The following CASD1 variants were observed in gnomAD, a reference collection of about 807,000 sequenced individuals.
CASD1 encodes N-acetylneuraminate (7)9-O-acetyltransferase.
In CASD1, 41 loss-of-function variants were observed where a neutral mutation model predicts 100.0. The observed-to-expected ratio is 0.41, with a 90% confidence interval of 0.32 to 0.53. The LOEUF is 0.53. Among genes scored for constraint, CASD1 ranks in the 20% least tolerant of loss-of-function variants. The probability of loss-of-function intolerance (pLI) is 0.25; values close to 1 mark genes in which losing one functional copy is unlikely to be tolerated. For synonymous variants in CASD1, 321 were observed against 315.6 expected, an observed-to-expected ratio of 1.02 and a Z score of -0.18; for missense variants, 774 against 948.7, an observed-to-expected ratio of 0.82 and a Z score of 2.42.
chr7:94,517,128 A>G (rs920901468), intron 1 of CASD1, among the ~76,000 whole-genome samples: 2 of 151,816 alleles, frequency 1.3e-5, no homozygotes, highest in African/African-American at 4.8e-5. Context: ...GGTCTCAAAC[A>G]CTCGACCTCG....
the CASD1 span, among the ~76,000 whole-genome samples, chr7:94,581,665 G>A: frequency 3.4e-3 from 518 of 152,254 alleles, 23 homozygotes; most frequent in East Asian, 0.082. Context: ...TAAGGATAAT[G>A]GCCTCCAGCC....
Position 94,537,722 on chromosome 7 carries a change from A to G in CASD1, c.1094A>G (p.Glu365Gly). ...ATCAATACCCCTGTGTCTTCATTAGAAATACTTTTACAATCTTTCTGCAAA... is the reference window on the plus strand; with the variant it reads ...ATCAATACCCCTGTGTCTTCATTAGGAATACTTTTACAATCTTTCTGCAAA... The part of the protein sequence containing the change: ...NIINTPVSSL[E>G]ILLQSFCKLG... The change falls in exon 9 of 18, where the codon GAA becomes GGA. Residue 365 changes from glutamate (E) to glycine (G), a missense_variant. Around this residue, in one of 5 missense-constraint regions of CASD1, gnomAD observed 453 missense variants for 532.6 expected, o/e 0.85. Transcript: ENST00000297273. The G allele has an allele frequency of 1.2e-6, 2 of 1,613,784 alleles. No individual in the cohort carries two copies. The highest frequency in any genetic ancestry group is 1.7e-6 in the Non-Finnish European group (2 of 1,179,864).
At chr7:94,526,372 T>A (rs1181807596) in intron 3 of CASD1, among the ~76,000 whole-genome samples, 2 of 152,204 alleles carry the variant, frequency 1.3e-5, no homozygotes, top group African/African-American at 4.8e-5. Context: ...CTTGGGAAAT[T>A]CAGCCTGGAA....
At chr7:94,580,368 A>G in the CASD1 span, among the ~76,000 whole-genome samples, 1,809 of 151,038 alleles carry the variant, frequency 0.012, 34 homozygotes, top group African/African-American at 0.041. Context: ...TTCTAATGGA[A>G]CTCTAGACTC....
the CASD1 span, among the ~76,000 whole-genome samples, chr7:94,601,426 T>A: frequency 7.7e-6 from 1 of 129,168 alleles, no homozygotes. Context: ...CAGTCTTACT[T>A]AATTCTATCC....
chr7:94,519,722 G>T (rs1157645887), intron 3 of CASD1, among the ~76,000 whole-genome samples: 2 of 151,916 alleles, frequency 1.3e-5, no homozygotes, highest in Non-Finnish European at 2.9e-5. Context: ...GCCCAAGCTG[G>T]TCTTAAACTT....
intron 10 of CASD1, among the ~76,000 whole-genome samples, chr7:94,542,674 C>T (rs1229723687): frequency 6.6e-6 from 1 of 152,074 alleles, no homozygotes; most frequent in Admixed American, 6.6e-5. Flanking sequence ...AGTTAATGAC[C>T]ATCTAAAGGT....
intron 5 of CASD1, among the ~76,000 whole-genome samples, chr7:94,531,353 A>T (rs547400521): frequency 2.0e-5 from 3 of 152,210 alleles, no homozygotes; most frequent in Non-Finnish European, 4.4e-5. Context: ...TTGTCAGAGG[A>T]AGATAGCTGG....
At chr7:94,518,450 T>C in intron 3 of CASD1, 127 bp downstream of exon 3, 1 of 751,512 alleles carries the variant, frequency 1.3e-6, no homozygotes, top group Non-Finnish European at 2.0e-6. Flanking sequence ...TCAGAAAGGT[T>C]GGGGAAAAAG....
chr7:94,545,317 T>A (rs2116383799), intron 11 of CASD1, among the ~76,000 whole-genome samples: 1 of 152,172 alleles, frequency 6.6e-6, no homozygotes, highest in East Asian at 1.9e-4. Flanking sequence ...GGTTGGTGCT[T>A]TGCTGGGATT....
intron 10 of CASD1, among the ~76,000 whole-genome samples, chr7:94,542,738 T>C (rs1378462475): frequency 6.6e-6 from 1 of 152,196 alleles, no homozygotes; most frequent in South Asian, 2.1e-4. Context: ...GCTTAGGCAA[T>C]CCACGAAGGG....
intron 7 of CASD1, 102 bp from the exon 8 acceptor site, chr7:94,535,207 T>A (rs1212435034): frequency 5.9e-6 from 5 of 843,314 alleles, no homozygotes; most frequent in Non-Finnish European, 5.7e-6. Context: ...TCTATACTTT[T>A]AAAAATAACA....
At chr7:94,604,843 ATATAT>A in the CASD1 span, among the ~76,000 whole-genome samples, 1 of 75,524 alleles carries the variant, frequency 1.3e-5, no homozygotes, top group African/African-American at 4.0e-5. Flanking sequence ...ATATATATAT[ATATAT>A]ATATATATAT....
chr7:94,628,227 T>G, the CASD1 span: 1 of 1,611,530 alleles, frequency 6.2e-7, no homozygotes, highest in Admixed American at 1.7e-5. Context: ...CTTCCCCACA[T>G]TTTCAGCTGT....
the CASD1 span, chr7:94,619,205 T>C: frequency 1.0e-5 from 4 of 384,080 alleles, no homozygotes; most frequent in Non-Finnish European, 1.9e-5. Flanking sequence ...GGGCAATTTA[T>C]AGTTATAGAA....
At chr7:94,605,698 G>A in the CASD1 span, among the ~76,000 whole-genome samples, 1 of 151,822 alleles carries the variant, frequency 6.6e-6, no homozygotes, top group Non-Finnish European at 1.5e-5. Flanking sequence ...TAAAAGAGGA[G>A]AGAAAACAAT....
the CASD1 span, among the ~76,000 whole-genome samples, chr7:94,609,949 G>A: frequency 1.3e-5 from 2 of 152,122 alleles, no homozygotes; most frequent in African/African-American, 4.8e-5. Context: ...AAATATGGGG[G>A]CAACCAAGAT....
chr7:94,571,297 C>G, the CASD1 span, among the ~76,000 whole-genome samples: 1 of 152,122 alleles, frequency 6.6e-6, no homozygotes, highest in Non-Finnish European at 1.5e-5. Flanking sequence ...CCTGCTTCAG[C>G]CTCCCAAAGT....
intron 3 of CASD1, among the ~76,000 whole-genome samples, chr7:94,521,558 G>A (rs1794273299): frequency 1.3e-5 from 2 of 151,840 alleles, no homozygotes; most frequent in Admixed American, 6.6e-5. Flanking sequence ...CAAGAATAAG[G>A]ACCGAAAGAA....
Sources: allele counts gnomAD v4.1 joint callset (sites outside exome capture counted in the v4.1 genomes callset), GRCh38; gene constraint gnomAD v4.1.1; regional missense constraint gnomAD v4.1.1; transcripts MANE v1.5; gene names NCBI Gene and HGNC (gene_info 2026-07-23, HGNC 2026-07-21).